The following TOP2A variants were observed in gnomAD, a reference collection of about 807,000 sequenced individuals.
TOP2A encodes the protein DNA topoisomerase 2-alpha.
A neutral mutation model predicts 187.2 loss-of-function variants in TOP2A; 68 were observed. The ratio of observed to expected loss-of-function variants is 0.36; its 90% CI spans 0.30 to 0.44. The LOEUF is 0.44. TOP2A is among the 20% of genes least tolerant of loss of function. The pLI is 1.00. For synonymous variants in TOP2A, 542 were observed against 593.2 expected (o/e 0.91, Z 1.25); for missense variants, 1,196 against 1,808.7 (o/e 0.66, Z 6.14).
intron 10 of TOP2A, chr17:40,409,194 C>CAAAA (rs35266834): frequency 1.9e-3 from 142 of 73,550 alleles, no homozygotes; most frequent in Non-Finnish European, 2.2e-3. Flanking sequence ...AACTCCGTCT[C>CAAAA]AAAAAAAAAA....
At chr17:40,415,651 A>G (rs1475987519) in intron 4 of TOP2A, among the ~76,000 whole-genome samples, 1 of 152,218 alleles carries the variant, frequency 6.6e-6, no homozygotes, top group Admixed American at 6.5e-5. Flanking sequence ...AAGTCCTGTA[A>G]TTTATTTTGA....
intron 7 of TOP2A, 56 bp downstream of exon 7, chr17:40,412,703 A>G: frequency 7.0e-7 from 1 of 1,431,438 alleles, no homozygotes; most frequent in Non-Finnish European, 9.7e-7. Flanking sequence ...TCAATTTTGC[A>G]CTTGACAATG....
chr17:40,401,079 G>A lies in TOP2A; in HGVS notation c.2435C>T (p.Ser812Phe), dbSNP rs1422220032. The A allele has an allele frequency of 1.2e-6, 2 of 1,608,396 alleles. No individual in the cohort carries two copies. Among genetic ancestry groups the A allele is most frequent in the Non-Finnish European group, 1.7e-6 (2 of 1,177,510 alleles). ...TGGTGGAAATAACAATCGAGCCAAA[G>A]AGCTAAAGAAAAGAAACAAAGAATG... Reference protein sequence around the residue: ...SPRYIFTMLSSLARLLFPPKD... With the variant: ...SPRYIFTMLSFLARLLFPPKD... The change falls in exon 21 of 35, where the codon TCT becomes TTT. Residue 812 changes from serine (S) to phenylalanine (F), a missense_variant and splice_region_variant. Physicochemically the swap from Ser to Phe is radical, Grantham distance 155. Coordinates refer to ENST00000423485, the MANE Select transcript of TOP2A (RefSeq NM_001067.4).
intron 32 of TOP2A, 101 bp from the exon 33 acceptor site, chr17:40,391,741 ATGTGACTT>A: frequency 8.3e-7 from 1 of 1,210,988 alleles, no homozygotes; most frequent in Non-Finnish European, 1.1e-6. Flanking sequence ...AACACCAAAT[ATGTGACTT>A]TTCTGGAATA....
At position 40,411,317 on chromosome 17, in the gene TOP2A, T is replaced by C; in HGVS notation, c.1065+37A>G. The C allele has an allele frequency of 6.2e-7, 1 of 1,612,676 alleles. No individual in the cohort carries two copies. ...TTATTTATAGCCTTTCTCTTCTTCCTTGACTTTAGAAAAAGAAAACTGCCA... is the reference window on the plus strand; with the variant it reads ...TTATTTATAGCCTTTCTCTTCTTCCCTGACTTTAGAAAAAGAAAACTGCCA... On this transcript the variant is annotated intron_variant, in intron 9 of 34. Transcript: ENST00000423485. The surrounding 1 kb of genome is among the most constrained non-coding windows in gnomAD (Gnocchi z 4.4).
Position 40,396,514 on chromosome 17 carries a change from A to G in TOP2A, c.3538-49T>C, listed in dbSNP as rs376741315. ...AAGTTTAAATGTTAACAAAAACATT[A>G]CAATATCTAAACACCCAACAGTTAA... On this transcript the variant is annotated intron_variant, in intron 27 of 34. Transcript: ENST00000423485. 4 of 1,579,120 alleles carry G rather than the reference A, an allele frequency of 2.5e-6. No homozygotes were observed. The African/African-American group carries it at 5.5e-5, about 22-fold the overall frequency.
At chr17:40,404,039 C>T in intron 19 of TOP2A, 113 bp downstream of exon 19, 1 of 1,369,084 alleles carries the variant, frequency 7.3e-7, no homozygotes, top group Non-Finnish European at 9.8e-7. Flanking sequence ...GTTTTACCAA[C>T]TTGTTCTTTA....
chr17:40,411,253 T>C lies in TOP2A; in HGVS notation c.1066-7A>G, dbSNP rs779505462. The C allele has an allele frequency of 2.7e-5, 43 of 1,612,532 alleles. No homozygotes were observed. The South Asian group carries it at 3.1e-4, about 12-fold the overall frequency. The stretch of plus-strand genomic sequence containing the variant: ...TCCACATGTGATTTTTCACCTGCAA[T>C]AGAAGTTGATATTAAGCCACTAAAA... On this transcript the variant is annotated splice_region_variant and splice_polypyrimidine_tract_variant and intron_variant, in intron 9 of 34. Coordinates refer to ENST00000423485, the MANE Select transcript of TOP2A (RefSeq NM_001067.4). This position sits in a 1 kb window ranked among gnomAD's most constrained non-coding sequence, Gnocchi z 4.4.
intron 1 of TOP2A, 136 bp downstream of exon 1, chr17:40,417,635 C>A: frequency 1.3e-6 from 2 of 1,527,896 alleles, no homozygotes; most frequent in Non-Finnish European, 1.8e-6. Context: ...CACCCCGGAA[C>A]CGGGAATGGA....
intron 10 of TOP2A, chr17:40,409,335 C>A: frequency 2.5e-6 from 1 of 397,992 alleles, no homozygotes; most frequent in Non-Finnish European, 4.9e-6. Flanking sequence ...GAGATCAAGC[C>A]ACGGCACTCC....
intron 23 of TOP2A, 23 bp from the exon 24 acceptor site, chr17:40,400,090 G>C (rs758389940): frequency 1.3e-6 from 2 of 1,599,902 alleles, no homozygotes. Flanking sequence ...AACAAGATTA[G>C]AGCCAAGAAT....
chr17:40,404,377 CA>C lies in TOP2A; in HGVS notation c.2160del (p.Asp720GlufsTer3). Reference sequence around the variant, plus strand: ...AACAGACTAACAAATTGGAACTCACCATCCACCATAGAAGGGATAGATCTCT... The same window carrying C: ...AACAGACTAACAAATTGGAACTCACCTCCACCATAGAAGGGATAGATCTCT... ...DNERSIPSMVDGLKPGQRKVL... is the reference protein window; with the variant it reads ...DNERSIPSMVXGLKPGQRKVL... On this transcript the variant is annotated frameshift_variant and splice_region_variant, in exon 18 of 35. Coordinates refer to ENST00000423485, the MANE Select transcript of TOP2A (RefSeq NM_001067.4). LOFTEE classifies it high-confidence loss of function. 2 of 1,604,938 alleles carry C rather than the reference CA, an allele frequency of 1.2e-6. No homozygotes were observed. The highest frequency in any genetic ancestry group is 2.2e-5 in the South Asian group (2 of 89,914).
chr17:40,401,684 G>A (rs987313327), intron 20 of TOP2A, among the ~76,000 whole-genome samples: 1 of 151,956 alleles, frequency 6.6e-6, no homozygotes, highest in African/African-American at 2.4e-5. Flanking sequence ...ACTCCAGCCT[G>A]GGCAAAAAGA....
chr17:40,416,518 A>T lies in TOP2A; in HGVS notation c.178-6T>A. 6.3e-7 allele frequency: 1 copy of T among 1,581,522 alleles called. No individual in the cohort carries two copies. The highest frequency in any genetic ancestry group is 8.6e-7 in the Non-Finnish European group (1 of 1,156,586). On this transcript the variant is annotated splice_region_variant and splice_polypyrimidine_tract_variant and intron_variant, in intron 2 of 34. Transcript: ENST00000423485. The stretch of plus-strand genomic sequence containing the variant: ...TCATCGTAAACCCACATTTGCTAGA[A>T]ATAAGGCAAAGAAATACTGTTATTT...
chr17:40,404,262 C>T lies in TOP2A; in HGVS notation c.2173G>A (p.Gly725Ser). Reference sequence around the variant, plus strand: ...CAAGTAAACAAAACCTTTCTCTGACCTGGTTTCAAACCTTTAAAATGAAAT... The same window carrying T: ...CAAGTAAACAAAACCTTTCTCTGACTTGGTTTCAAACCTTTAAAATGAAAT... ...IPSMVDGLKP[G>S]QRKVLFTCFK... The change falls in exon 19 of 35, where the codon GGT becomes AGT. Residue 725 changes from glycine to serine, a missense_variant. Physicochemically the swap from Gly to Ser is moderately conservative, Grantham distance 56 (BLOSUM62 0). This residue lies in a region of TOP2A where 209 missense variants were observed against 376.9 expected (regional missense o/e 0.55). Transcript: ENST00000423485. The T allele has an allele frequency of 1.2e-6, 2 of 1,613,592 alleles. No homozygotes were observed. Among genetic ancestry groups the T allele is most frequent in the Non-Finnish European group, 1.7e-6 (2 of 1,179,762 alleles).
chr17:40,415,160 T>C (rs959816404), intron 4 of TOP2A, among the ~76,000 whole-genome samples: 6 of 151,628 alleles, frequency 4.0e-5, no homozygotes, highest in East Asian at 2.0e-4. Context: ...GTTCATGCCA[T>C]TCTCCTGCCT....
At chr17:40,404,689 T>A in intron 17 of TOP2A, 102 bp downstream of exon 17, 1 of 864,362 alleles carries the variant, frequency 1.2e-6, no homozygotes, top group Non-Finnish European at 1.8e-6. Context: ...CATATCAAAT[T>A]TTTTACTAAA....
intron 10 of TOP2A, chr17:40,409,440 CTCA>C: frequency 2.3e-6 from 1 of 443,212 alleles, no homozygotes; most frequent in South Asian, 1.6e-5. Flanking sequence ...GACACTTGTC[CTCA>C]TCAAGTTTAA....
At chr17:40,415,057 CTT>C (rs199613504) in intron 4 of TOP2A, among the ~76,000 whole-genome samples, 12 of 140,970 alleles carry the variant, frequency 8.5e-5, no homozygotes, top group Admixed American at 2.8e-4. Context: ...ATTAGCTCAA[CTT>C]TTTTTTTTTT....
Sources: gnomAD v4.1 joint callset for allele counts (sites outside exome capture counted in the v4.1 genomes callset) on GRCh38, gnomAD v4.1.1 for gene constraint, gnomAD v4.1.1 regional missense constraint, Gnocchi (gnomAD v3.1) non-coding constraint, MANE v1.5 for transcripts, NCBI Gene and HGNC (gene_info 2026-07-23, HGNC 2026-07-21) for gene names.